Variants in SMARCC2 observed in about 807,000 individuals in gnomAD.
The protein encoded by SMARCC2 is SWI/SNF related BAF chromatin remodeling complex subunit C2.
SMARCC2 carries 15 observed loss-of-function variants against 151.3 expected under a neutral mutation model. That is an observed-to-expected ratio of 0.10 (90% CI 0.07 to 0.15). The LOEUF is 0.15. Ranked by LOEUF, SMARCC2 falls within the 10% of genes least tolerant of loss-of-function variation. The probability of loss-of-function intolerance (pLI) is 1.00; values close to 1 mark genes in which losing one functional copy is unlikely to be tolerated. For synonymous variants in SMARCC2, 590 were observed against 609.5 expected, an observed-to-expected ratio of 0.97 and a Z score of 0.47; for missense variants, 1,031 against 1,599.7, an observed-to-expected ratio of 0.64 and a Z score of 6.06.
chr12:56,174,897 T>A, intron 15 of SMARCC2, 133 bp from the exon 16 acceptor site: 1 of 630,714 alleles, frequency 1.6e-6, no homozygotes, highest in Non-Finnish European at 2.9e-6. Context: ...TATTTGACTC[T>A]ACATGCTGAG....
At position 56,186,907 on chromosome 12, in the gene SMARCC2, C is replaced by T. The variant is rs1877369904; in HGVS notation, c.231+280G>A. On this transcript the variant is annotated intron_variant, in intron 2 of 28. Transcript: ENST00000550164. Reference sequence around the variant, plus strand: ...GATTTGAACACAAGCCTGCACAAATCCAAATCTCAAGTCCCCTTTTAACCA... The same window carrying T: ...GATTTGAACACAAGCCTGCACAAATTCAAATCTCAAGTCCCCTTTTAACCA... The T allele has an allele frequency of 6.5e-5, 17 of 260,852 alleles. No homozygotes were observed. The South Asian group carries it at 8.8e-4, about 14-fold the overall frequency. The allele number at this position is 260,852 out of a possible 1,614,324, so 16.2% of individuals were successfully genotyped here.
chr12:56,170,042 C>G, intron 23 of SMARCC2, 102 bp downstream of exon 23: 1 of 1,425,396 alleles, frequency 7.0e-7, no homozygotes, highest in Non-Finnish European at 9.9e-7. Context: ...GAGACAACCC[C>G]GTCCAAAACC....
chr12:56,171,812 C>G lies in SMARCC2; in HGVS notation c.2052G>C (p.Glu684Asp). Residue 684 changes from glutamate to aspartate, a missense_variant, in exon 21 of 29, where the codon GAG (glutamate) becomes GAC (aspartate). Glu to Asp is a conservative substitution (Grantham distance 45, BLOSUM62 2). Coordinates refer to ENST00000550164, the MANE Select transcript of SMARCC2 (RefSeq NM_001330288.2). The surrounding 1 kb of genome is among the most constrained non-coding windows in gnomAD (Gnocchi z 4.2). The part of the protein sequence containing the change: ...PIEDPYLEDS[E>D]ASLGPLAYQP... ...GGTAGGCCAGGGGGCCTAGGGAGGC[C>G]TCTGAGTCCTCCAGGTATGGGTCTT... The G allele has an allele frequency of 6.2e-7, 1 of 1,614,072 alleles. No individual in the cohort carries two copies. The highest frequency in any genetic ancestry group is 1.1e-5 in the South Asian group (1 of 91,080).
intron 1 of SMARCC2, among the ~76,000 whole-genome samples, chr12:56,188,620 G>C (rs554004547): frequency 6.6e-6 from 1 of 152,154 alleles, no homozygotes; most frequent in African/African-American, 2.4e-5. Flanking sequence ...GGTGTGAGGG[G>C]CTAGAGATAG....
At chr12:56,175,593 G>C (rs928926244) in intron 15 of SMARCC2, among the ~76,000 whole-genome samples, 2 of 151,934 alleles carry the variant, frequency 1.3e-5, no homozygotes, top group African/African-American at 2.4e-5. Flanking sequence ...GCATTGTAGG[G>C]GCTCAAAAAA....
At position 56,165,509 on chromosome 12, in the gene SMARCC2, A is replaced by C. The variant is rs1461008828; in HGVS notation, c.3041T>G (p.Val1014Gly). The part of the protein sequence containing the change: ...PPTGAAGPPA[V>G]HGLAVAPASV... Reference sequence around the variant, plus strand: ...GGCTGGAGCCACAGCCAAGCCATGGACTGCGGGTGGCCCAGCAGCCCCTGT... The same window carrying C: ...GGCTGGAGCCACAGCCAAGCCATGGCCTGCGGGTGGCCCAGCAGCCCCTGT... The change falls in exon 27 of 29, where the codon GTC becomes GGC. Residue 1014 changes from valine to glycine, a missense_variant. Physicochemically the swap from Val to Gly is moderately radical, Grantham distance 109 (BLOSUM62 -3). This residue lies in a region of SMARCC2 where 310 missense variants were observed against 350.0 expected (regional missense o/e 0.89). Transcript: ENST00000550164. 2 of 1,598,278 alleles carry C rather than the reference A, an allele frequency of 1.3e-6. No individual in the cohort carries two copies. Among genetic ancestry groups the C allele is most frequent in the Admixed American group, 3.4e-5 (2 of 58,928 alleles).
Position 56,178,546 on chromosome 12 carries a change from G to C in SMARCC2, c.1180-12C>G. 6.2e-7 allele frequency: 1 copy of C among 1,614,176 alleles called. No individual in the cohort carries two copies. The highest frequency in any genetic ancestry group is 8.5e-7 in the Non-Finnish European group (1 of 1,180,016). ...TTCTCATCCTCATCCTACGAGTATGGAGGCTGCTGGACACTCAGCATTCCT... is the reference window on the plus strand; with the variant it reads ...TTCTCATCCTCATCCTACGAGTATGCAGGCTGCTGGACACTCAGCATTCCT... On this transcript the variant is annotated splice_polypyrimidine_tract_variant and intron_variant, in intron 13 of 28. Coordinates refer to ENST00000550164, the MANE Select transcript of SMARCC2 (RefSeq NM_001330288.2).
chr12:56,167,101 C>T (rs1374420133), intron 26 of SMARCC2, among the ~76,000 whole-genome samples: 2 of 149,036 alleles, frequency 1.3e-5, no homozygotes, highest in African/African-American at 2.5e-5. Flanking sequence ...ACCTGTAATC[C>T]GGCACTTTGG....
chr12:56,165,471 C>T lies in SMARCC2; in HGVS notation c.3079G>A (p.Ala1027Thr), dbSNP rs1281806035. Reference sequence around the variant, plus strand: ...GGAGGGGCCCCACTGCCAGCAGGAGCAGGGACTACAGAGGCTGGAGCCACA... The same window carrying T: ...GGAGGGGCCCCACTGCCAGCAGGAGTAGGGACTACAGAGGCTGGAGCCACA... ...LAVAPASVVPAPAGSGAPPGS... is the reference protein window; with the variant it reads ...LAVAPASVVPTPAGSGAPPGS... Residue 1027 changes from alanine to threonine, a missense_variant, in exon 27 of 29, where the codon GCT becomes ACT. Ala to Thr is a moderately conservative substitution (Grantham distance 58). Coordinates refer to ENST00000550164, the MANE Select transcript of SMARCC2 (RefSeq NM_001330288.2). The T allele has an allele frequency of 5.2e-6, 8 of 1,551,852 alleles. No homozygotes were observed. Among genetic ancestry groups the T allele is most frequent in the Non-Finnish European group, 6.1e-6 (7 of 1,149,188 alleles).
At chr12:56,163,811 T>G (rs752208708) in intron 28 of SMARCC2, 46 bp from the exon 29 acceptor site, 1 of 1,317,502 alleles carries the variant, frequency 7.6e-7, no homozygotes, top group Non-Finnish European at 1.0e-6. Flanking sequence ...GCCGGAGAGA[T>G]GGCTCCAGAC....
chr12:56,177,306 G>A (rs1391728192), intron 15 of SMARCC2, among the ~76,000 whole-genome samples: 1 of 152,198 alleles, frequency 6.6e-6, no homozygotes, highest in Non-Finnish European at 1.5e-5. Flanking sequence ...GAGCAGTGGT[G>A]TGATCATGGC....
chr12:56,171,821 C>T lies in SMARCC2; in HGVS notation c.2043G>A (p.Glu681=), dbSNP rs201406256. 1.4e-5 allele frequency: 23 copies of T among 1,614,154 alleles called. No homozygotes were observed. The East Asian group carries it at 4.7e-4, about 33-fold the overall frequency. The change falls in exon 21 of 29, where the codon GAG becomes GAA. Residue 681 remains glutamate (E), a synonymous_variant. Transcript: ENST00000550164. This position sits in a 1 kb window ranked among gnomAD's most constrained non-coding sequence, Gnocchi z 4.2. The part of the protein sequence containing the change: ...LRLPIEDPYL[E]DSEASLGPLA... ...GGGGGCCTAGGGAGGCCTCTGAGTC[C>T]TCCAGGTATGGGTCTTCAATGGGAA...
intron 2 of SMARCC2, 83 bp downstream of exon 2, chr12:56,187,104 A>T: frequency 7.0e-7 from 1 of 1,426,646 alleles, no homozygotes; most frequent in Non-Finnish European, 9.5e-7. Flanking sequence ...CAAAATTCAC[A>T]AATCTTTTTT....
Position 56,182,146 on chromosome 12 carries a change from T to C in SMARCC2, c.633-67A>G. 2.8e-6 allele frequency: 3 copies of C among 1,075,686 alleles called. 1 individual carries two copies. The highest frequency in any genetic ancestry group is 4.1e-4 in the Middle Eastern group (2 of 4,910). The allele number at this position is 1,075,686 out of a possible 1,614,324, so 66.6% of individuals were successfully genotyped here. On this transcript the variant is annotated intron_variant, in intron 7 of 28. Transcript: ENST00000550164. ...GAATTGTGGAAAAGTAAAGTGCAGA[T>C]CTTTTACCCTTTCCATTTACAGAAA...
In SMARCC2 at chr12:56,180,966, C is replaced by G. The variant is rs1876089328; in HGVS notation, c.1081+11G>C. 2 of 1,607,894 alleles carry G rather than the reference C, an allele frequency of 1.2e-6. No individual in the cohort carries two copies. The highest frequency in any genetic ancestry group is 2.2e-5 in the South Asian group (2 of 90,486). Reference sequence around the variant, plus strand: ...TGGGGGTGGATCCCAGGAGCTCAGCCTGGCCTGTACCTGTTTTGGGAAGTG... The same window carrying G: ...TGGGGGTGGATCCCAGGAGCTCAGCGTGGCCTGTACCTGTTTTGGGAAGTG... On this transcript the variant is annotated intron_variant, in intron 11 of 28. Transcript: ENST00000550164.
chr12:56,183,699 C>G (rs1225746254), intron 7 of SMARCC2, 162 bp downstream of exon 7: 1 of 548,266 alleles, frequency 1.8e-6, no homozygotes, highest in African/African-American at 1.9e-5. Context: ...TCCACTAAGT[C>G]CAAACCTCCC....
intron 1 of SMARCC2, 82 bp downstream of exon 1, chr12:56,189,269 G>A: frequency 6.3e-6 from 5 of 792,698 alleles, no homozygotes; most frequent in South Asian, 2.5e-5. Flanking sequence ...CGCCTGGAGG[G>A]TAGGCAGGAT....
chr12:56,187,440 A>T lies in SMARCC2; in HGVS notation c.112-134T>A. On this transcript the variant is annotated intron_variant, in intron 1 of 28. Transcript: ENST00000550164. ...GTGCCCTTCTCCCCATTTAGTCTCT[A>T]TAAAGAAAATGGCAAAAGGGAGGCC... 4 of 839,246 alleles carry T rather than the reference A, an allele frequency of 4.8e-6. No homozygotes were observed. The South Asian group carries it at 5.3e-5, about 11-fold the overall frequency. 52.0% of individuals were successfully genotyped at this position (839,246 alleles called of 1,614,324 possible).
intron 13 of SMARCC2, 134 bp from the exon 14 acceptor site, chr12:56,178,668 TGAAAGG>T (rs575865231): frequency 0.03 from 44,982 of 1,476,906 alleles, 843 homozygotes; most frequent in Non-Finnish European, 0.037. Flanking sequence ...CCCAGGACTC[TGAAAGG>T]GTCAGAGTTT....
Sources: gnomAD v4.1 joint callset for allele counts (sites outside exome capture counted in the v4.1 genomes callset) on GRCh38, gnomAD v4.1.1 for gene constraint, gnomAD v4.1.1 regional missense constraint, Gnocchi (gnomAD v3.1) non-coding constraint, MANE v1.5 for transcripts, NCBI Gene and HGNC (gene_info 2026-07-23, HGNC 2026-07-21) for gene names.